LRRC4C: variants seen among roughly 807,000 people sequenced by gnomAD.
LRRC4C encodes leucine-rich repeat-containing protein 4C.
Under a neutral mutation model 33.6 loss-of-function variants are expected in LRRC4C, and 5 were observed. The observed-to-expected ratio is 0.15, with a 90% CI of 0.08 to 0.31. The LOEUF is 0.31. Ranked by LOEUF, LRRC4C falls within the 10% of genes least tolerant of loss-of-function variation. The pLI, the probability that LRRC4C is intolerant of heterozygous loss-of-function variation, is 1.00. For synonymous variants in LRRC4C, 329 were observed against 302.0 expected (o/e 1.09, Z -0.93); for missense variants, 560 against 796.7 (o/e 0.70, Z 3.58).
intron 1 of LRRC4C, among the ~76,000 whole-genome samples, chr11:40,996,480 G>C (rs567363228): frequency 8.3e-4 from 126 of 152,242 alleles, no homozygotes; most frequent in Non-Finnish European, 1.5e-3. Flanking sequence ...ATGTGCTTTT[G>C]GAAGGAGATG....
chr11:40,465,194 A>T (rs1380325221), intron 3 of LRRC4C, among the ~76,000 whole-genome samples: 1 of 152,000 alleles, frequency 6.6e-6, no homozygotes, highest in Non-Finnish European at 1.5e-5. Context: ...AAGCCAACAA[A>T]AACATACTCT....
At chr11:41,132,462 AATAT>A (rs1943059509) in intron 1 of LRRC4C, among the ~76,000 whole-genome samples, 1 of 152,158 alleles carries the variant, frequency 6.6e-6, no homozygotes. Flanking sequence ...TAATTGAAGA[AATAT>A]TATGCAGTTA....
chr11:40,459,324 C>T (rs1035394264), intron 3 of LRRC4C, among the ~76,000 whole-genome samples: 13 of 152,182 alleles, frequency 8.5e-5, no homozygotes, highest in Non-Finnish European at 1.5e-4. Flanking sequence ...TTCATTGGCA[C>T]TCATTTGCAG....
intron 1 of LRRC4C, among the ~76,000 whole-genome samples, chr11:41,031,717 C>A (rs1856739798): frequency 2.0e-5 from 3 of 151,990 alleles, no homozygotes. Flanking sequence ...TAAGATCAGG[C>A]AAAATTTGGA....
intron 1 of LRRC4C, among the ~76,000 whole-genome samples, chr11:41,248,492 T>G (rs532856470): frequency 6.6e-6 from 1 of 152,238 alleles, no homozygotes; most frequent in African/African-American, 2.4e-5. Flanking sequence ...CTTCATTTGG[T>G]TTTCAGGAGG....
At chr11:40,326,571 A>C (rs1946115952) in intron 3 of LRRC4C, among the ~76,000 whole-genome samples, 1 of 151,974 alleles carries the variant, frequency 6.6e-6, no homozygotes, top group African/African-American at 2.4e-5. Context: ...AAAAAAAAGA[A>C]GAAGTCTACA....
In LRRC4C at chr11:40,865,987, C is replaced by A. The variant is rs1021768390; in HGVS notation, c.-407+67648G>T. Among the ~76,000 whole-genome samples the A allele has an allele frequency of 3.5e-4, 53 of 151,104 alleles. 1 individual carries two copies. Among genetic ancestry groups the A allele is most frequent in the Non-Finnish European group, 7.4e-5 (5 of 67,840 alleles). ...TTGGATGAAATATGAAGATTTTATT[C>A]TATTAAATTGTCTATATGAGGTTGT... On this transcript the variant is annotated intron_variant, in intron 2 of 6. Coordinates refer to ENST00000528697, the MANE Select transcript of LRRC4C (RefSeq NM_001258419.2).
chr11:40,186,075 C>T (rs903662920), intron 5 of LRRC4C, among the ~76,000 whole-genome samples: 3 of 152,126 alleles, frequency 2.0e-5, no homozygotes, highest in Non-Finnish European at 4.4e-5. Context: ...AAGAGAGCTT[C>T]TAGGAAGACG....
At chr11:41,106,320 A>G (rs932609662) in intron 1 of LRRC4C, among the ~76,000 whole-genome samples, 5 of 151,986 alleles carry the variant, frequency 3.3e-5, no homozygotes, top group African/African-American at 1.2e-4. Flanking sequence ...GCAGCAAGTA[A>G]AGTTGTGATG....
chr11:41,054,083 C>T (rs923490892), intron 1 of LRRC4C, among the ~76,000 whole-genome samples: 5 of 152,142 alleles, frequency 3.3e-5, no homozygotes, highest in African/African-American at 9.7e-5. Context: ...GTGTGAGTTG[C>T]TAATCCAGTT....
At chr11:40,396,960 T>C (rs1786983975) in intron 3 of LRRC4C, among the ~76,000 whole-genome samples, 1 of 152,088 alleles carries the variant, frequency 6.6e-6, no homozygotes, top group Admixed American at 6.6e-5. Flanking sequence ...TTTTCTTAAA[T>C]TGATACATTA....
intron 1 of LRRC4C, among the ~76,000 whole-genome samples, chr11:41,106,727 T>A (rs1199438996): frequency 6.6e-6 from 1 of 151,936 alleles, no homozygotes; most frequent in Non-Finnish European, 1.5e-5. Context: ...CAGTACAGAG[T>A]GAGTACCCTT....
At chr11:40,273,876 C>T (rs190877789) in intron 4 of LRRC4C, among the ~76,000 whole-genome samples, 1 of 152,198 alleles carries the variant, frequency 6.6e-6, no homozygotes, top group East Asian at 1.9e-4. Flanking sequence ...GGTGTGGATG[C>T]TGTTATGGCT....
chr11:41,231,980 A>G (rs1371565203), intron 1 of LRRC4C, among the ~76,000 whole-genome samples: 1 of 151,766 alleles, frequency 6.6e-6, no homozygotes, highest in Non-Finnish European at 1.5e-5. Flanking sequence ...ACTGGTCTAG[A>G]CTTATTTTTC....
chr11:41,335,809 G>C (rs1237715130), intron 1 of LRRC4C, among the ~76,000 whole-genome samples: 1 of 152,076 alleles, frequency 6.6e-6, no homozygotes, highest in Non-Finnish European at 1.5e-5. Flanking sequence ...TCTTCTCCAA[G>C]CTTCTTTTTG....
At chr11:40,388,424 ATTCAGGT>A (rs1949200749) in intron 3 of LRRC4C, among the ~76,000 whole-genome samples, 1 of 152,126 alleles carries the variant, frequency 6.6e-6, no homozygotes. Context: ...GAAGTTAGAC[ATTCAGGT>A]TGCGCTTGGA....
intron 1 of LRRC4C, among the ~76,000 whole-genome samples, chr11:40,957,283 A>G (rs1958999289): frequency 6.6e-6 from 1 of 151,788 alleles, no homozygotes; most frequent in South Asian, 2.1e-4. Flanking sequence ...TAGCAATTGT[A>G]GGTGACAGGC....
intron 1 of LRRC4C, among the ~76,000 whole-genome samples, chr11:40,943,078 G>T (rs1284485687): frequency 7.8e-6 from 1 of 127,892 alleles, no homozygotes; most frequent in African/African-American, 3.4e-5. Flanking sequence ...ACGAACCTCA[G>T]TTTTCTTAAA....
chr11:40,152,695 T>A (rs1858324555), intron 5 of LRRC4C, among the ~76,000 whole-genome samples: 1 of 152,044 alleles, frequency 6.6e-6, no homozygotes, highest in African/African-American at 2.4e-5. Flanking sequence ...ACAACCTGCA[T>A]GACTCAGCAG....
Sources: gnomAD v4.1 joint callset for allele counts (sites outside exome capture counted in the v4.1 genomes callset) on GRCh38, gnomAD v4.1.1 for gene constraint, MANE v1.5 for transcripts, NCBI Gene and HGNC (gene_info 2026-07-23, HGNC 2026-07-21) for gene names.